DPP10: variants seen among roughly 807,000 people sequenced by gnomAD.
The protein encoded by DPP10 is dipeptidyl peptidase like 10.
A neutral mutation model predicts 120.9 loss-of-function variants in DPP10; 33 were observed. The ratio of observed to expected loss-of-function variants is 0.27; its 90% CI spans 0.21 to 0.37. DPP10 has a LOEUF of 0.37. Ranked by LOEUF, DPP10 falls within the 10% of genes least tolerant of loss-of-function variation. The pLI, the probability that DPP10 is intolerant of heterozygous loss-of-function variation, is 1.00. For missense variants in DPP10, 816 were observed against 942.8 expected (o/e 0.87, Z 1.76); for synonymous variants, 337 against 326.1 (o/e 1.03, Z -0.36).
intron 1 of DPP10, among the ~76,000 whole-genome samples, chr2:115,102,825 A>G (rs1333272913): frequency 1.3e-5 from 2 of 151,842 alleles, no homozygotes; most frequent in South Asian, 2.1e-4. Context: ...TGTCCTCTCC[A>G]TCTCCTTTTC....
At chr2:114,656,517 A>C (rs139555888) in intron 1 of DPP10, among the ~76,000 whole-genome samples, 42 of 152,302 alleles carry the variant, frequency 2.8e-4, no homozygotes, top group African/African-American at 1.0e-3. Context: ...TTTATTGTTC[A>C]CATAGCCTTC....
intron 1 of DPP10, among the ~76,000 whole-genome samples, chr2:115,238,643 C>T (rs2058116752): frequency 6.6e-6 from 1 of 152,072 alleles, no homozygotes; most frequent in Non-Finnish European, 1.5e-5. Flanking sequence ...GCTGTACTCT[C>T]ATGATAAAAC....
chr2:115,728,271 A>T (rs1342243867), intron 8 of DPP10, among the ~76,000 whole-genome samples: 1 of 138,398 alleles, frequency 7.2e-6, no homozygotes, highest in Non-Finnish European at 1.5e-5. Flanking sequence ...GAAAGAAGAA[A>T]CAGAAACCTT....
intron 1 of DPP10, among the ~76,000 whole-genome samples, chr2:114,775,741 C>T (rs971736925): frequency 3.1e-4 from 47 of 152,194 alleles, no homozygotes; most frequent in Non-Finnish European, 2.2e-4. Context: ...AATGTCACCA[C>T]TCTTTGTTCA....
At chr2:115,523,147 A>T (rs981807021) in intron 4 of DPP10, among the ~76,000 whole-genome samples, 15 of 152,206 alleles carry the variant, frequency 9.9e-5, no homozygotes, top group African/African-American at 3.6e-4. Flanking sequence ...GGGCCCCGGA[A>T]AAGATATTTG....
intron 1 of DPP10, among the ~76,000 whole-genome samples, chr2:115,241,104 A>G (rs1314904079): frequency 6.6e-6 from 1 of 152,112 alleles, no homozygotes; most frequent in Non-Finnish European, 1.5e-5. Flanking sequence ...CCCCGCCACT[A>G]CTAAAAATAC....
At chr2:114,448,419 C>G (rs1013927955) in intron 1 of DPP10, among the ~76,000 whole-genome samples, 2 of 152,262 alleles carry the variant, frequency 1.3e-5, no homozygotes, top group East Asian at 3.9e-4. Flanking sequence ...CTAACTCTCA[C>G]TGAAAAGACA....
chr2:114,618,023 CTG>C (rs1693805561), intron 1 of DPP10, among the ~76,000 whole-genome samples: 2 of 152,028 alleles, frequency 1.3e-5, no homozygotes, highest in Non-Finnish European at 2.9e-5. Context: ...AGAAAACAGA[CTG>C]TGTGTTTAAA....
intron 1 of DPP10, among the ~76,000 whole-genome samples, chr2:114,498,946 T>C (rs996860993): frequency 1.3e-5 from 2 of 152,228 alleles, no homozygotes; most frequent in Non-Finnish European, 2.9e-5. Context: ...GTTATACATA[T>C]GCAATGGAAT....
At chr2:114,843,516 A>G (rs531510423) in intron 1 of DPP10, among the ~76,000 whole-genome samples, 1 of 152,246 alleles carries the variant, frequency 6.6e-6, no homozygotes, top group Non-Finnish European at 1.5e-5. Context: ...ATATCCTTCT[A>G]TCTATGGCTT....
chr2:115,418,498 C>T (rs1238266800), intron 3 of DPP10, among the ~76,000 whole-genome samples: 1 of 152,130 alleles, frequency 6.6e-6, no homozygotes, highest in African/African-American at 2.4e-5. Context: ...AAGCCAGGTA[C>T]ATTGGCTCAC....
Position 114,533,580 on chromosome 2 carries a change from A to G in DPP10, c.60+90742A>G, listed in dbSNP as rs759405194. On this transcript the variant is annotated intron_variant, in intron 1 of 25. Transcript: ENST00000410059. Reference sequence around the variant, plus strand: ...CACTATGGCACACGTTTACCTGTGCAACAAACCTGCACATCCTGCCCATGT... The same window carrying G: ...CACTATGGCACACGTTTACCTGTGCGACAAACCTGCACATCCTGCCCATGT... 2.0e-4 allele frequency among the ~76,000 whole-genome samples: 30 copies of G among 152,104 alleles called. 1 individual carries two copies. The highest frequency in any genetic ancestry group is 3.7e-4 in the Non-Finnish European group (25 of 68,020).
At chr2:115,462,500 T>C (rs1384856078) in intron 3 of DPP10, among the ~76,000 whole-genome samples, 5 of 152,062 alleles carry the variant, frequency 3.3e-5, no homozygotes, top group African/African-American at 9.7e-5. Flanking sequence ...CACACCTCCA[T>C]GGTATGACAT....
At chr2:115,561,795 G>C (rs918922561) in intron 5 of DPP10, among the ~76,000 whole-genome samples, 1 of 152,034 alleles carries the variant, frequency 6.6e-6, no homozygotes, top group Non-Finnish European at 1.5e-5. Flanking sequence ...TTTATATGTA[G>C]ATTTACTTAT....
intron 13 of DPP10, among the ~76,000 whole-genome samples, chr2:115,769,508 T>G (rs1681195586): frequency 6.6e-6 from 1 of 152,062 alleles, no homozygotes; most frequent in South Asian, 2.1e-4. Context: ...TAATTTTAAT[T>G]ACGACTGAAA....
intron 1 of DPP10, among the ~76,000 whole-genome samples, chr2:114,863,321 C>T (rs1364011552): frequency 1.3e-5 from 2 of 152,152 alleles, no homozygotes; most frequent in African/African-American, 4.8e-5. Context: ...TTCTGGGAAA[C>T]ACATTTCTAG....
chr2:114,668,364 G>C (rs1698085431), intron 1 of DPP10, among the ~76,000 whole-genome samples: 1 of 152,156 alleles, frequency 6.6e-6, no homozygotes, highest in Non-Finnish European at 1.5e-5. Context: ...CAGAAAGAAA[G>C]AGAGATCTTC....
chr2:114,707,460 C>T (rs371075710), intron 1 of DPP10, among the ~76,000 whole-genome samples: 27 of 152,204 alleles, frequency 1.8e-4, no homozygotes, highest in African/African-American at 5.5e-4. Context: ...TGATATGTAT[C>T]GAGACAGTAG....
intron 1 of DPP10, among the ~76,000 whole-genome samples, chr2:114,485,673 C>T (rs112925365): frequency 6.6e-6 from 1 of 151,892 alleles, no homozygotes; most frequent in South Asian, 2.1e-4. Context: ...TCTCTTCTGG[C>T]GTGTCTGGGC....
Sources: allele counts gnomAD v4.1 joint callset (sites outside exome capture counted in the v4.1 genomes callset), GRCh38; gene constraint gnomAD v4.1.1; transcripts MANE v1.5; gene names NCBI Gene and HGNC (gene_info 2026-07-23, HGNC 2026-07-21).